SPON2: variants seen among roughly 807,000 people sequenced by gnomAD.
SPON2 encodes the protein spondin 2.
A neutral mutation model predicts 29.9 loss-of-function variants in SPON2; 32 were observed. The ratio of observed to expected loss-of-function variants is 1.07; its 90% CI spans 0.81 to 1.44. The LOEUF (loss-of-function observed/expected upper bound fraction) is 1.44. Among genes scored for constraint, SPON2 ranks in the 40% most tolerant of loss-of-function variants. SPON2 has a pLI of 0.00. For synonymous variants in SPON2, 248 were observed against 209.1 expected (o/e 1.19, Z -1.61); for missense variants, 541 against 455.5 (o/e 1.19, Z -1.71).
chr4:1,186,448 C>G (rs939974491), intron 1 of SPON2, among the ~76,000 whole-genome samples: 1 of 151,956 alleles, frequency 6.6e-6, no homozygotes, highest in Admixed American at 6.6e-5. Flanking sequence ...GGATTGCAGG[C>G]GCATGCTGCC....
chr4:1,190,173 A>G (rs1044471261), intron 1 of SPON2, among the ~76,000 whole-genome samples: 2 of 152,102 alleles, frequency 1.3e-5, no homozygotes, highest in African/African-American at 4.8e-5. Flanking sequence ...CCAATTAAAT[A>G]ATCTAAATGA....
At chr4:1,185,667 C>G (rs1391606844) in intron 1 of SPON2, among the ~76,000 whole-genome samples, 1 of 133,722 alleles carries the variant, frequency 7.5e-6, no homozygotes, top group Non-Finnish European at 1.5e-5. Flanking sequence ...GAGATCGCGT[C>G]ACTGCACTCC....
At position 1,202,561 on chromosome 4, in the gene SPON2, C is replaced by T. The variant is rs112006346; in HGVS notation, c.-234+5319G>A. On this transcript the variant is annotated intron_variant, in intron 1 of 3. Transcript: ENST00000509233. This position sits in a 1 kb window ranked among gnomAD's most constrained non-coding sequence, Gnocchi z 5.4. ...ACATGGGGGCAGGGCTGGGCCCCCA[C>T]GGCTTCTGTGGGCTCAGCCCACTCA... 0.016 allele frequency among the ~76,000 whole-genome samples: 2,483 copies of T among 152,084 alleles called. 83 individuals are homozygous for T. The highest frequency in any genetic ancestry group is 0.056 in the African/African-American group (2,344 of 41,488).
At chr4:1,194,490 G>A (rs1401338490) in intron 1 of SPON2, among the ~76,000 whole-genome samples, 4 of 143,336 alleles carry the variant, frequency 2.8e-5, no homozygotes, top group Non-Finnish European at 4.4e-5. Context: ...AAGCCGGGCC[G>A]CGGTAGCGCA....
At chr4:1,205,567 C>T (rs865930242) in intron 1 of SPON2, among the ~76,000 whole-genome samples, 1 of 132,146 alleles carries the variant, frequency 7.6e-6, no homozygotes, top group Non-Finnish European at 1.6e-5. Context: ...TCCCCAGAGG[C>T]CCCATCGGAG....
At chr4:1,194,962 A>ACCTCACAGCCGGCGG (rs1560210602) in intron 1 of SPON2, 28 of 22,118 alleles carry the variant, frequency 1.3e-3, no homozygotes, top group Admixed American at 2.9e-3. Flanking sequence ...GCAGCCGGCG[A>ACCTCACAGCCGGCGG]CTCCAACCCC....
intron 5 of SPON2, among the ~76,000 whole-genome samples, chr4:1,168,371 C>T (rs1437633001): frequency 6.6e-6 from 1 of 152,210 alleles, no homozygotes; most frequent in African/African-American, 2.4e-5. Flanking sequence ...TCAGCAAGGG[C>T]TCGGCTCTCC....
rs1560210800 is a variant in SPON2 at position 1,195,054 on chromosome 4, CCG to C, written c.-305_-304del. On this transcript the variant is annotated 5_prime_UTR_variant, in exon 1 of 4. Transcript: ENST00000502483. ...AACCCCGCAGCCGGCGGCTCCAACC[CCG>C]CAGCCGGCGTCTCCAACCCCGCAGC... The C allele has an allele frequency of 3.5e-4, 41 of 117,170 alleles. 3 individuals are homozygous for C. The highest frequency in any genetic ancestry group is 1.1e-3 in the African/African-American group (35 of 31,406). 7.3% of individuals were successfully genotyped at this position (117,170 alleles called of 1,614,324 possible).
upstream of SPON2, among the ~76,000 whole-genome samples, chr4:1,176,894 A>ATTCATTCATTCACACAC (rs1560204784): frequency 4.5e-5 from 5 of 110,796 alleles, no homozygotes; most frequent in African/African-American, 9.5e-5. Flanking sequence ...CATTCACACC[A>ATTCATTCATTCACACAC]TTCATTCATT....
intron 4 of SPON2, 169 bp downstream of exon 4, chr4:1,170,829 TG>T: frequency 9.5e-7 from 1 of 1,057,766 alleles, no homozygotes; most frequent in Non-Finnish European, 1.4e-6. Context: ...TGGGAGAGTA[TG>T]GGAGGGCTGC....
intron 1 of SPON2, among the ~76,000 whole-genome samples, chr4:1,203,792 G>T (rs192013224): frequency 1.3e-4 from 20 of 152,240 alleles, no homozygotes; most frequent in African/African-American, 4.8e-4. Flanking sequence ...TTTCCCTGGT[G>T]GCTAATGGTG....
intron 1 of SPON2, among the ~76,000 whole-genome samples, chr4:1,193,078 T>C (rs1160770028): frequency 6.6e-6 from 1 of 152,152 alleles, no homozygotes; most frequent in Non-Finnish European, 1.5e-5. Flanking sequence ...CTTGTATACG[T>C]ACACATGCCC....
upstream of SPON2, among the ~76,000 whole-genome samples, chr4:1,176,994 G>A (rs1252234927): frequency 2.0e-5 from 3 of 152,232 alleles, no homozygotes; most frequent in Non-Finnish European, 4.4e-5. Context: ...GGGCTGGGGT[G>A]GAGTGGATAC....
At chr4:1,195,095 C>G (rs1345450191) in exon 1 of SPON2, 64 of 147,620 alleles carry the variant, frequency 4.3e-4, no homozygotes, top group African/African-American at 4.7e-4. Context: ...CGGCTCCAAC[C>G]CCGCAGCCGG....
chr4:1,193,674 G>A lies in SPON2; in HGVS notation c.-239+1316C>T, dbSNP rs1577908299. Among the ~76,000 whole-genome samples the A allele has an allele frequency of 2.4e-4, 3 of 12,708 alleles. 1 individual carries two copies. Among genetic ancestry groups the A allele is most frequent in the East Asian group, 4.5e-3 (2 of 440 alleles). 8.3% of individuals were successfully genotyped at this position (12,708 alleles called of 152,430 possible). On this transcript the variant is annotated intron_variant, in intron 1 of 3. Coordinates refer to the SPON2 transcript ENST00000502483. ...GGCATGGGAAGGATGTGGGGGGTGT[G>A]GGAAGGATGTAGGGGGCGTGGGAAG...
At chr4:1,189,783 T>C (rs1727875156) in intron 1 of SPON2, among the ~76,000 whole-genome samples, 1 of 150,984 alleles carries the variant, frequency 6.6e-6, no homozygotes, top group East Asian at 2.0e-4. Flanking sequence ...GGTCGGGAGA[T>C]CGAGACCATC....
At chr4:1,193,526 T>G (rs1308350762) in intron 1 of SPON2, among the ~76,000 whole-genome samples, 1 of 147,726 alleles carries the variant, frequency 6.8e-6, no homozygotes, top group East Asian at 2.0e-4. Context: ...CCTACAGCCC[T>G]GTGTCACCAG....
chr4:1,173,888 G>C (rs1577900185), upstream of SPON2, among the ~76,000 whole-genome samples: 1 of 152,312 alleles, frequency 6.6e-6, no homozygotes, highest in East Asian at 1.9e-4. Context: ...TTTTATCTGA[G>C]GACTCCTTCA....
At chr4:1,198,522 G>A (rs531402060), upstream of SPON2, among the ~76,000 whole-genome samples, 26 of 152,250 alleles carry the variant, frequency 1.7e-4, no homozygotes, top group South Asian at 5.2e-3. Flanking sequence ...ATCACTTTTC[G>A]CAGATGCAAA....
Sources: gnomAD v4.1 joint callset for allele counts (sites outside exome capture counted in the v4.1 genomes callset) on GRCh38, gnomAD v4.1.1 for gene constraint, Gnocchi (gnomAD v3.1) non-coding constraint, MANE v1.5 for transcripts, NCBI Gene and HGNC (gene_info 2026-07-23, HGNC 2026-07-21) for gene names.